The following DENND2A variants were observed in gnomAD, a reference collection of about 807,000 sequenced individuals.
The protein encoded by DENND2A is DENN domain containing 2A, also known as DENN domain-containing protein 2A.
DENND2A carries 53 observed loss-of-function variants against 105.3 expected under a neutral mutation model. The observed-to-expected ratio is 0.50, with a 90% CI of 0.40 to 0.63. The LOEUF (loss-of-function observed/expected upper bound fraction) is 0.63. DENND2A is among the 30% of genes least tolerant of loss of function. The probability of loss-of-function intolerance (pLI) is 0.00; values close to 1 mark genes in which losing one functional copy is unlikely to be tolerated. For synonymous variants in DENND2A, 522 were observed against 508.4 expected (o/e 1.03, Z -0.36); for missense variants, 1,138 against 1,279.6 (o/e 0.89, Z 1.69).
intron 13 of DENND2A, 33 bp downstream of exon 13, chr7:140,546,765 TC>T: frequency 6.2e-7 from 1 of 1,610,342 alleles, no homozygotes. Flanking sequence ...GGCCACTGCC[TC>T]CCCAGGGAGA....
At chr7:140,594,409 G>T (rs564055347) in intron 3 of DENND2A, among the ~76,000 whole-genome samples, 2 of 152,210 alleles carry the variant, frequency 1.3e-5, no homozygotes, top group East Asian at 3.9e-4. Context: ...CTGTCTCAGG[G>T]CTTTCACCTA....
At chr7:140,532,036 G>T (rs185421449) in intron 14 of DENND2A, among the ~76,000 whole-genome samples, 2 of 152,030 alleles carry the variant, frequency 1.3e-5, no homozygotes, top group African/African-American at 2.4e-5. Flanking sequence ...GCTGAGGCAG[G>T]TAGATCACCT....
chr7:140,598,953 T>C (rs1799382992), intron 3 of DENND2A, among the ~76,000 whole-genome samples: 1 of 152,096 alleles, frequency 6.6e-6, no homozygotes, highest in African/African-American at 2.4e-5. Flanking sequence ...TTTTTGCATA[T>C]GACATGATGT....
chr7:140,580,171 T>C (rs1798480327), intron 5 of DENND2A, among the ~76,000 whole-genome samples: 1 of 151,950 alleles, frequency 6.6e-6, no homozygotes, highest in Non-Finnish European at 1.5e-5. Context: ...AAAGTAAAAT[T>C]CCCCAATTGT....
intron 10 of DENND2A, 45 bp from the exon 11 acceptor site, chr7:140,558,257 C>T (rs1797462686): frequency 1.3e-6 from 2 of 1,485,634 alleles, no homozygotes; most frequent in African/African-American, 2.7e-5. Context: ...AAAACAAAAC[C>T]AAAGACACCT....
In DENND2A at chr7:140,523,460, C is replaced by T. The variant is rs751214354; in HGVS notation, c.2548-36G>A. ...GAGGTAGCAGGTGGGCTTATGGGCA[C>T]GGTGGCTGCGTCTTGGCCATAGGAC... is the stretch of plus-strand genomic sequence containing the variant. On this transcript the variant is annotated intron_variant, in intron 16 of 19. Transcript: ENST00000496613. This position sits in a 1 kb window ranked among gnomAD's most constrained non-coding sequence, Gnocchi z 4.5. 22 of 1,589,622 alleles carry T rather than the reference C, an allele frequency of 1.4e-5. No individual in the cohort carries two copies. Among genetic ancestry groups the T allele is most frequent in the East Asian group, 4.5e-5 (2 of 44,744 alleles).
intron 3 of DENND2A, among the ~76,000 whole-genome samples, chr7:140,599,500 T>C (rs1799403667): frequency 2.6e-5 from 4 of 152,084 alleles, no homozygotes; most frequent in Admixed American, 2.6e-4. Context: ...ACTCATTCAA[T>C]CTTCACAACA....
intron 7 of DENND2A, among the ~76,000 whole-genome samples, 190 bp from the exon 8 acceptor site, chr7:140,569,003 C>A (rs550668361): frequency 6.6e-6 from 1 of 152,024 alleles, no homozygotes; most frequent in Non-Finnish European, 1.5e-5. Context: ...CGGCTCACTG[C>A]AACCTCTGCC....
chr7:140,613,879 G>C (rs1415489100), intron 1 of DENND2A, among the ~76,000 whole-genome samples: 1 of 152,116 alleles, frequency 6.6e-6, no homozygotes. Flanking sequence ...AGAGCTGGAT[G>C]AATGCACTAC....
chr7:140,522,804 C>T (rs929244470), intron 17 of DENND2A, among the ~76,000 whole-genome samples: 1 of 151,706 alleles, frequency 6.6e-6, no homozygotes, highest in Non-Finnish European at 1.5e-5. Context: ...GACGTGTTTT[C>T]ACCATATTGG....
chr7:140,535,762 A>G (rs564219013), intron 14 of DENND2A, among the ~76,000 whole-genome samples: 1 of 152,038 alleles, frequency 6.6e-6, no homozygotes, highest in South Asian at 2.1e-4. Flanking sequence ...TTGTATTTTT[A>G]GTACAGATGT....
At chr7:140,579,858 G>A (rs759398620) in intron 5 of DENND2A, among the ~76,000 whole-genome samples, 17 of 152,118 alleles carry the variant, frequency 1.1e-4, no homozygotes, top group African/African-American at 3.6e-4. Context: ...TGGGCCAGGC[G>A]AGGTGGCTCA....
chr7:140,611,694 C>A (rs1463586091), intron 1 of DENND2A, among the ~76,000 whole-genome samples: 1 of 152,166 alleles, frequency 6.6e-6, no homozygotes, highest in Non-Finnish European at 1.5e-5. Context: ...AAACCTACTA[C>A]ATGAAGGAAG....
intron 14 of DENND2A, among the ~76,000 whole-genome samples, chr7:140,540,825 C>G (rs1191652322): frequency 6.6e-6 from 1 of 152,036 alleles, no homozygotes; most frequent in Non-Finnish European, 1.5e-5. Flanking sequence ...TCAAATGATT[C>G]TTCTGCCTCA....
At chr7:140,628,669 A>T (rs1056580184) in intron 1 of DENND2A, among the ~76,000 whole-genome samples, 2 of 148,820 alleles carry the variant, frequency 1.3e-5, no homozygotes, top group East Asian at 4.0e-4. Flanking sequence ...CCTCCCTAGT[A>T]GCTGGAACTA....
rs10081295 is a variant in DENND2A, at chr7:140,601,233, C to T, written c.995+170G>A. Among the ~76,000 whole-genome samples the T allele has an allele frequency of 7.4e-4, 112 of 152,292 alleles. 1 individual carries two copies. Among genetic ancestry groups the T allele is most frequent in the African/African-American group, 2.6e-3 (108 of 41,552 alleles). On this transcript the variant is annotated intron_variant, in intron 3 of 19. Coordinates refer to ENST00000496613, the MANE Select transcript of DENND2A (RefSeq NM_015689.5). ...AACACAAAATACATGCATCAGTTAC[C>T]AAGTTTCCAGGTTAATTAACAAAGT...
chr7:140,636,548 G>T (rs1280275436), intron 1 of DENND2A, among the ~76,000 whole-genome samples: 5 of 152,114 alleles, frequency 3.3e-5, no homozygotes, highest in African/African-American at 1.2e-4. Flanking sequence ...CCCTGTGATG[G>T]GCTCTCTATA....
At chr7:140,537,890 G>C (rs1252153518) in intron 14 of DENND2A, among the ~76,000 whole-genome samples, 1 of 152,142 alleles carries the variant, frequency 6.6e-6, no homozygotes, top group Non-Finnish European at 1.5e-5. Flanking sequence ...CCAAAACTTT[G>C]GGGAACTGAA....
intron 14 of DENND2A, among the ~76,000 whole-genome samples, chr7:140,539,856 C>T (rs1796594798): frequency 6.6e-6 from 1 of 152,252 alleles, no homozygotes; most frequent in Admixed American, 6.5e-5. Context: ...TTCAGGTCTG[C>T]ATGGAACCCG....
Sources: allele counts gnomAD v4.1 joint callset (sites outside exome capture counted in the v4.1 genomes callset), GRCh38; gene constraint gnomAD v4.1.1; non-coding constraint Gnocchi (gnomAD v3.1); transcripts MANE v1.5; gene names NCBI Gene and HGNC (gene_info 2026-07-23, HGNC 2026-07-21).